The following NEDD4L variants were observed in gnomAD, a reference collection of about 807,000 sequenced individuals.
NEDD4L encodes the protein NEDD4 like E3 ubiquitin protein ligase.
NEDD4L carries 54 observed loss-of-function variants against 148.9 expected under a neutral mutation model. That is an observed-to-expected ratio of 0.36 (90% CI 0.29 to 0.45). NEDD4L has a LOEUF of 0.45. NEDD4L is among the 20% of genes least tolerant of loss of function. The pLI, the probability that NEDD4L is intolerant of heterozygous loss-of-function variation, is 1.00. For missense variants in NEDD4L, 856 were observed against 1,233.8 expected (o/e 0.69, Z 4.59); for synonymous variants, 433 against 440.7 (o/e 0.98, Z 0.22).
At chr18:58,300,555 G>C (rs905232984) in intron 5 of NEDD4L, among the ~76,000 whole-genome samples, 1 of 152,226 alleles carries the variant, frequency 6.6e-6, no homozygotes, top group Non-Finnish European at 1.5e-5. Context: ...TAGAGCGAAA[G>C]ACAGAATACG....
At chr18:58,307,735 A>T (rs2057236396) in intron 5 of NEDD4L, among the ~76,000 whole-genome samples, 1 of 152,234 alleles carries the variant, frequency 6.6e-6, no homozygotes, top group African/African-American at 2.4e-5. Context: ...AGCAATAAAT[A>T]TGAAAATGAA....
chr18:58,127,434 G>A (rs373097297), intron 1 of NEDD4L, among the ~76,000 whole-genome samples: 48 of 152,120 alleles, frequency 3.2e-4, no homozygotes, highest in Admixed American at 1.1e-3. Context: ...GGCTGGACAC[G>A]GTGGCCCACA....
chr18:58,392,027 G>A (rs1249547102), intron 30 of NEDD4L, among the ~76,000 whole-genome samples: 2 of 152,236 alleles, frequency 1.3e-5, no homozygotes, highest in Non-Finnish European at 2.9e-5. Context: ...GACTGTGGTC[G>A]GAGGAGGGTA....
At chr18:58,262,138 G>T (rs1439498272) in intron 5 of NEDD4L, among the ~76,000 whole-genome samples, 1 of 152,110 alleles carries the variant, frequency 6.6e-6, no homozygotes, top group Non-Finnish European at 1.5e-5. Context: ...CACCTGCTGC[G>T]TATGCCCCAC....
intron 2 of NEDD4L, among the ~76,000 whole-genome samples, chr18:58,184,313 C>T (rs1479004493): frequency 6.6e-6 from 1 of 151,374 alleles, no homozygotes; most frequent in East Asian, 2.0e-4. Context: ...TCTCTACCCT[C>T]CTCTCCTGCT....
At chr18:58,121,320 T>A (rs983751162) in intron 1 of NEDD4L, among the ~76,000 whole-genome samples, 2 of 152,244 alleles carry the variant, frequency 1.3e-5, no homozygotes, top group African/African-American at 4.8e-5. Flanking sequence ...AGGAACTACC[T>A]ACAGAATTCA....
At chr18:58,134,769 A>ATTTTTTTT (rs71173032) in intron 1 of NEDD4L, among the ~76,000 whole-genome samples, 6 of 131,410 alleles carry the variant, frequency 4.6e-5, no homozygotes, top group Admixed American at 1.5e-4. Flanking sequence ...AGCAATTTTC[A>ATTTTTTTT]TTTTTTTTTT....
At chr18:58,048,841 C>T (rs2081721122) in intron 1 of NEDD4L, among the ~76,000 whole-genome samples, 1 of 152,198 alleles carries the variant, frequency 6.6e-6, no homozygotes, top group South Asian at 2.1e-4. Flanking sequence ...GCTATGGTTG[C>T]AGTCACCACT....
chr18:58,382,302 T>A (rs1400201893), intron 24 of NEDD4L, among the ~76,000 whole-genome samples: 7 of 151,892 alleles, frequency 4.6e-5, no homozygotes, highest in Non-Finnish European at 8.8e-5. Context: ...GGGCATAGAG[T>A]TCATCACAAC....
At chr18:58,292,836 T>C (rs1293254893) in intron 5 of NEDD4L, among the ~76,000 whole-genome samples, 1 of 152,220 alleles carries the variant, frequency 6.6e-6, no homozygotes, top group Non-Finnish European at 1.5e-5. Flanking sequence ...TTGGATTACA[T>C]ACAATGTCCT....
chr18:58,076,497 G>C (rs765752518), intron 1 of NEDD4L, among the ~76,000 whole-genome samples: 2 of 152,166 alleles, frequency 1.3e-5, no homozygotes, highest in African/African-American at 2.4e-5. Flanking sequence ...GGAATATTAG[G>C]ATATACAGCA....
intron 24 of NEDD4L, 57 bp from the exon 25 acceptor site, chr18:58,383,189 A>G (rs377442156): frequency 2.3e-6 from 2 of 880,900 alleles, no homozygotes; most frequent in African/African-American, 3.3e-5. Flanking sequence ...GTCACTCAAT[A>G]ATAATATGCA....
At chr18:58,198,108 C>T (rs182387650) in intron 2 of NEDD4L, among the ~76,000 whole-genome samples, 1 of 152,244 alleles carries the variant, frequency 6.6e-6, no homozygotes, top group East Asian at 1.9e-4. Flanking sequence ...AAAGTTAGCC[C>T]TTTCTTCTGA....
intron 13 of NEDD4L, 166 bp downstream of exon 13, chr18:58,335,703 A>G: frequency 1.6e-6 from 1 of 612,316 alleles, no homozygotes; most frequent in African/African-American, 1.8e-5. Flanking sequence ...GATTGTTTAA[A>G]GGTACTGGGT....
At chr18:58,334,296 C>G (rs1479885591) in intron 12 of NEDD4L, among the ~76,000 whole-genome samples, 1 of 152,202 alleles carries the variant, frequency 6.6e-6, no homozygotes, top group African/African-American at 2.4e-5. Flanking sequence ...GTTCCTTTCC[C>G]TTCCTAATGA....
At chr18:58,322,528 CA>C in intron 7 of NEDD4L, 42 bp downstream of exon 7, 3 of 1,240,358 alleles carry the variant, frequency 2.4e-6, no homozygotes, top group East Asian at 2.6e-5. Context: ...GCCTGCCCTG[CA>C]TGCTGTAGGT....
At chr18:58,329,206 T>C in intron 10 of NEDD4L, 79 bp downstream of exon 10, 1 of 1,453,236 alleles carries the variant, frequency 6.9e-7, no homozygotes, top group Non-Finnish European at 9.4e-7. Flanking sequence ...TATCATAATT[T>C]CTTCTGTCAG....
In NEDD4L at chr18:58,044,612, C is replaced by T. The variant is rs1409948339; in HGVS notation, c.-49C>T. ...AGGGGAGAACCGGCCGTCCGCGCCG[C>T]AGCACAGCCGCTGGGAGCGCCTCAG... is the stretch of plus-strand genomic sequence containing the variant. On this transcript the variant is annotated 5_prime_UTR_variant, in exon 1 of 31. Coordinates refer to ENST00000400345, the MANE Select transcript of NEDD4L (RefSeq NM_001144967.3). 36 of 1,557,798 alleles carry T rather than the reference C, an allele frequency of 2.3e-5. No homozygotes were observed. Among genetic ancestry groups the T allele is most frequent in the South Asian group, 3.6e-5 (3 of 84,444 alleles).
At chr18:58,294,863 C>T (rs138418552) in intron 5 of NEDD4L, among the ~76,000 whole-genome samples, 61 of 152,142 alleles carry the variant, frequency 4.0e-4, no homozygotes, top group Admixed American at 2.0e-3. Context: ...ATTATTTAGG[C>T]TATATTAAAA....
Sources: gnomAD v4.1 joint callset for allele counts (sites outside exome capture counted in the v4.1 genomes callset) on GRCh38, gnomAD v4.1.1 for gene constraint, MANE v1.5 for transcripts, NCBI Gene and HGNC (gene_info 2026-07-23, HGNC 2026-07-21) for gene names.